Variants in ALG5 observed in about 807,000 individuals in gnomAD.
ALG5 encodes dolichyl-phosphate beta-glucosyltransferase.
In ALG5, 26 loss-of-function variants were observed where a neutral mutation model predicts 51.8. The ratio of observed to expected loss-of-function variants is 0.50; its 90% CI spans 0.37 to 0.70. ALG5 has a LOEUF of 0.70. ALG5 is among the 30% of genes least tolerant of loss of function. The probability of loss-of-function intolerance (pLI) is 0.00; values close to 1 mark genes in which losing one functional copy is unlikely to be tolerated. For missense variants in ALG5, 311 were observed against 399.3 expected, an observed-to-expected ratio of 0.78 and a Z score of 1.88; for synonymous variants, 141 against 136.1, an observed-to-expected ratio of 1.04 and a Z score of -0.25.
At chr13:36,981,648 GGA>G (rs2058979786) in intron 6 of ALG5, among the ~76,000 whole-genome samples, 3 of 152,164 alleles carry the variant, frequency 2.0e-5, no homozygotes. Flanking sequence ...GTATAGAGAT[GGA>G]GAGACAAAGT....
intron 8 of ALG5, among the ~76,000 whole-genome samples, chr13:36,961,610 T>C (rs1289115756): frequency 6.6e-6 from 1 of 152,214 alleles, no homozygotes; most frequent in African/African-American, 2.4e-5. Context: ...TTACTGTGGA[T>C]ACCAAGAGAC....
Position 36,952,598 on chromosome 13 carries a change from C to T in ALG5, c.775G>A (p.Ala259Thr). The T allele has an allele frequency of 2.6e-6, 4 of 1,543,542 alleles. No homozygotes were observed. Among genetic ancestry groups the T allele is most frequent in the East Asian group, 2.4e-5 (1 of 41,796 alleles). ...ATGTACAGTAGTTCTACATCAAATGCCCTAAAATAGAAAATATATTGATAT... is the reference window on the plus strand; with the variant it reads ...ATGTACAGTAGTTCTACATCAAATGTCCTAAAATAGAAAATATATTGATAT... ...TFSSLHVERW[A>T]FDVELLYIAQ... Residue 259 changes from alanine to threonine, a missense_variant and splice_region_variant, in exon 9 of 10, where the codon GCA becomes ACA. Coordinates refer to ENST00000239891, the MANE Select transcript of ALG5 (RefSeq NM_013338.5).
chr13:36,995,277 T>TG lies in ALG5; in HGVS notation c.238+147_238+148insC. 4 of 901,610 alleles carry TG rather than the reference T, an allele frequency of 4.4e-6. No homozygotes were observed. In the South Asian group the frequency reaches 7.0e-5, roughly 16 times the overall value. 55.9% of individuals were successfully genotyped at this position (901,610 alleles called of 1,614,324 possible). On this transcript the variant is annotated intron_variant, in intron 2 of 9. Transcript: ENST00000239891. ...TCATGAGAGCAAATATTCACTTCCC[T>TG]CTCTGCCGAACTACAACAATTATCA...
chr13:36,965,765 A>C, intron 7 of ALG5, 39 bp from the exon 8 acceptor site: 11 of 1,589,396 alleles, frequency 6.9e-6, no homozygotes, highest in Non-Finnish European at 9.4e-6. Flanking sequence ...TTTTCCATTC[A>C]TCTGTAAAGG....
intron 6 of ALG5, among the ~76,000 whole-genome samples, chr13:36,983,226 G>C (rs933998826): frequency 6.6e-6 from 1 of 152,092 alleles, no homozygotes; most frequent in East Asian, 1.9e-4. Flanking sequence ...ACTCCCTCTA[G>C]AAAGATAATG....
intron 1 of ALG5, among the ~76,000 whole-genome samples, chr13:36,997,609 A>C (rs1274791036): frequency 6.6e-6 from 1 of 152,176 alleles, no homozygotes; most frequent in East Asian, 1.9e-4. Flanking sequence ...AGACATATAT[A>C]CTGAGACATA....
At chr13:36,998,980 G>A in intron 1 of ALG5, 1 of 364,984 alleles carries the variant, frequency 2.7e-6, no homozygotes, top group Non-Finnish European at 4.9e-6. Flanking sequence ...GCCAGGCCGG[G>A]TGGGTGCGCT....
At chr13:36,952,643 G>T in intron 8 of ALG5, 44 bp from the exon 9 acceptor site, 1 of 1,183,804 alleles carries the variant, frequency 8.4e-7, no homozygotes, top group South Asian at 1.5e-5. Flanking sequence ...AAGACAAATA[G>T]AACACAACTA....
intron 6 of ALG5, among the ~76,000 whole-genome samples, chr13:36,974,047 A>G (rs2058938466): frequency 6.6e-6 from 1 of 152,246 alleles, no homozygotes. Flanking sequence ...CAGTATTTGA[A>G]GTAGCAAACC....
chr13:36,956,720 A>G (rs1270578229), intron 8 of ALG5, among the ~76,000 whole-genome samples: 3 of 152,126 alleles, frequency 2.0e-5, no homozygotes, highest in Non-Finnish European at 4.4e-5. Flanking sequence ...TTGCAACTGC[A>G]CACTCCTCTG....
At chr13:36,970,695 C>T (rs2058918626) in intron 7 of ALG5, among the ~76,000 whole-genome samples, 1 of 152,088 alleles carries the variant, frequency 6.6e-6, no homozygotes, top group Non-Finnish European at 1.5e-5. Context: ...GGTGGATCAC[C>T]TAAGGTCAGG....
chr13:36,983,972 G>C (rs2058990949), intron 6 of ALG5, among the ~76,000 whole-genome samples: 1 of 151,796 alleles, frequency 6.6e-6, no homozygotes, highest in Non-Finnish European at 1.5e-5. Flanking sequence ...TGTTTGGTTT[G>C]GTTTTTGCTA....
rs559770809 is a variant in ALG5, at chr13:36,987,658, C to T, written c.447+1826G>A. ...AGCATGCAGAACCGTCAATCAATCA[C>T]ATCTCTTTTCTTTATATGTTATCCA... On this transcript the variant is annotated intron_variant, in intron 5 of 9. Coordinates refer to ENST00000239891, the MANE Select transcript of ALG5 (RefSeq NM_013338.5). Among the ~76,000 whole-genome samples, 4 of 152,298 alleles carry T rather than the reference C, an allele frequency of 2.6e-5. No homozygotes were observed. In the East Asian group the frequency reaches 7.7e-4, roughly 29 times the overall value.
At chr13:36,999,360 C>T, upstream of ALG5, 1 of 1,437,374 alleles carries the variant, frequency 7.0e-7, no homozygotes, top group Non-Finnish European at 9.2e-7. Context: ...AGCGCGCCCG[C>T]GCGACCCGGC....
chr13:36,957,227 TCAGGAGAACAAAGAACAGGCCATTAC>T (rs1259416552), intron 8 of ALG5, among the ~76,000 whole-genome samples: 1 of 151,296 alleles, frequency 6.6e-6, no homozygotes, highest in African/African-American at 2.4e-5. Flanking sequence ...CCAAGCTCCT[TCAGGAGAACAAAGAACAGGCCATTAC>T]CAGGAGAACA....
chr13:36,981,167 A>G (rs1359532562), intron 6 of ALG5, among the ~76,000 whole-genome samples: 1 of 152,094 alleles, frequency 6.6e-6, no homozygotes, highest in Admixed American at 6.6e-5. Flanking sequence ...CAGAACCAGA[A>G]CATGTAACCT....
intron 6 of ALG5, among the ~76,000 whole-genome samples, chr13:36,983,687 G>A (rs993227844): frequency 6.6e-6 from 1 of 151,900 alleles, no homozygotes; most frequent in East Asian, 1.9e-4. Context: ...AGTGCTACTT[G>A]TCTGAAGAGC....
At chr13:36,993,803 C>A in intron 3 of ALG5, 131 bp from the exon 4 acceptor site, 2 of 688,892 alleles carry the variant, frequency 2.9e-6, no homozygotes, top group Non-Finnish European at 2.5e-6. Context: ...AATATTAGTG[C>A]ACAAACCGCA....
At chr13:36,994,721 T>C (rs895549078) in intron 3 of ALG5, among the ~76,000 whole-genome samples, 8 of 151,774 alleles carry the variant, frequency 5.3e-5, no homozygotes, top group Non-Finnish European at 1.0e-4. Flanking sequence ...ATTTTAAATA[T>C]ATCATCAAGC....
Sources: gnomAD v4.1 joint callset for allele counts (sites outside exome capture counted in the v4.1 genomes callset) on GRCh38, gnomAD v4.1.1 for gene constraint, MANE v1.5 for transcripts, NCBI Gene and HGNC (gene_info 2026-07-23, HGNC 2026-07-21) for gene names.